SLC60A1: variants seen among roughly 807,000 people sequenced by gnomAD.
SLC60A1 encodes solute carrier family 60 member 1, also known as major facilitator superfamily domain containing 4.
At chr1:205,584,284 CA>C in the SLC60A1 span, among the ~76,000 whole-genome samples, 1 of 145,036 alleles carries the variant, frequency 6.9e-6, no homozygotes, top group Non-Finnish European at 1.5e-5. Flanking sequence ...TGCAGTGGTG[CA>C]ATCTCGGCTC....
chr1:205,588,134 A>G, the SLC60A1 span, among the ~76,000 whole-genome samples: 1 of 152,112 alleles, frequency 6.6e-6, no homozygotes, highest in Non-Finnish European at 1.5e-5. Context: ...AGAACAAGTG[A>G]CTCCCAAATA....
chr1:205,597,027 C>T, the SLC60A1 span, among the ~76,000 whole-genome samples: 1 of 152,146 alleles, frequency 6.6e-6, no homozygotes, highest in Non-Finnish European at 1.5e-5. Context: ...AAGGTGTGCA[C>T]CACACTGCCA....
At chr1:205,596,705 C>G in the SLC60A1 span, among the ~76,000 whole-genome samples, 1 of 151,848 alleles carries the variant, frequency 6.6e-6, no homozygotes, top group Non-Finnish European at 1.5e-5. Flanking sequence ...GAGCCATTAG[C>G]AGGGGCAGAG....
chr1:205,594,582 G>A, the SLC60A1 span, among the ~76,000 whole-genome samples: 2,625 of 151,640 alleles, frequency 0.017, 49 homozygotes, highest in South Asian at 0.034. Flanking sequence ...CTTGAACCCA[G>A]GAGGTGGAGG....
chr1:205,598,109 AG>A, the SLC60A1 span: 1 of 403,960 alleles, frequency 2.5e-6, no homozygotes, highest in Non-Finnish European at 4.7e-6. Flanking sequence ...GTCTGGGAGC[AG>A]GGCCAGAGGG....
the SLC60A1 span, among the ~76,000 whole-genome samples, chr1:205,593,416 A>AGCCGAAATCCCGCAACT: frequency 1.3e-5 from 1 of 74,724 alleles, no homozygotes; most frequent in African/African-American, 5.4e-5. Flanking sequence ...GCTTGCAGTG[A>AGCCGAAATCCCGCAACT]GCACTCCAGC....
chr1:205,575,828 T>C, the SLC60A1 span, among the ~76,000 whole-genome samples: 2 of 152,262 alleles, frequency 1.3e-5, no homozygotes, highest in East Asian at 3.9e-4. Context: ...ATATCTTGGG[T>C]CTCTCTGGGC....
At chr1:205,584,147 T>G in the SLC60A1 span, 1 of 1,607,662 alleles carries the variant, frequency 6.2e-7, no homozygotes, top group Non-Finnish European at 8.5e-7. Context: ...TGAATCTGCA[T>G]CCTCACAGCC....
chr1:205,596,869 C>T, the SLC60A1 span, among the ~76,000 whole-genome samples: 6,850 of 152,208 alleles, frequency 0.045, 257 homozygotes, highest in African/African-American at 0.1. Flanking sequence ...GTTACCCACA[C>T]GGTAAGTCTG....
the SLC60A1 span, chr1:205,569,187 C>CT: frequency 6.5e-7 from 1 of 1,547,744 alleles, no homozygotes; most frequent in South Asian, 1.2e-5. Flanking sequence ...GCCCACGCTG[C>CT]TGGACCTGCG....
chr1:205,599,146 G>A, the SLC60A1 span: 617 of 1,614,106 alleles, frequency 3.8e-4, 3 homozygotes, highest in African/African-American at 7.7e-3. Flanking sequence ...CCAGGCTCAG[G>A]GCAGCTATAG....
At chr1:205,602,231 G>A in the SLC60A1 span, 3 of 152,618 alleles carry the variant, frequency 2.0e-5, no homozygotes, top group African/African-American at 7.2e-5. Flanking sequence ...CCTGTCCCAA[G>A]TGCTGTGATT....
At chr1:205,597,135 T>C in the SLC60A1 span, among the ~76,000 whole-genome samples, 1 of 152,186 alleles carries the variant, frequency 6.6e-6, no homozygotes, top group Non-Finnish European at 1.5e-5. Context: ...TCAGGAAATC[T>C]TTCTGGAAAG....
At chr1:205,581,425 G>GT in the SLC60A1 span, among the ~76,000 whole-genome samples, 1 of 152,228 alleles carries the variant, frequency 6.6e-6, no homozygotes, top group Admixed American at 6.5e-5. This position sits in a 1 kb window ranked among gnomAD's most constrained non-coding sequence, Gnocchi z 4.2. Flanking sequence ...ACTTCACCCC[G>GT]TGACTGCGTC....
At chr1:205,592,398 T>A in the SLC60A1 span, 1 of 1,150,748 alleles carries the variant, frequency 8.7e-7, no homozygotes, top group South Asian at 2.0e-5. Flanking sequence ...TTATTATTAT[T>A]ATACTTCACG....
chr1:205,578,719 A>T, the SLC60A1 span, among the ~76,000 whole-genome samples: 2 of 151,962 alleles, frequency 1.3e-5, no homozygotes, highest in African/African-American at 4.8e-5. Flanking sequence ...AAACTCAGAG[A>T]GGCCTTTCCC....
At chr1:205,569,457 A>G in the SLC60A1 span, among the ~76,000 whole-genome samples, 140,830 of 146,244 alleles carry the variant, frequency 0.96, 67,999 homozygotes, top group East Asian at 1. Context: ...TCCCAGCTCC[A>G]TCTTGGCCGA....
At chr1:205,581,433 G>A in the SLC60A1 span, among the ~76,000 whole-genome samples, 3 of 152,230 alleles carry the variant, frequency 2.0e-5, no homozygotes, top group Non-Finnish European at 4.4e-5. This position sits in a 1 kb window ranked among gnomAD's most constrained non-coding sequence, Gnocchi z 4.2. Context: ...CCGTGACTGC[G>A]TCACATACCG....
the SLC60A1 span, chr1:205,600,319 C>T: frequency 2.9e-6 from 4 of 1,384,952 alleles, no homozygotes; most frequent in Non-Finnish European, 4.0e-6. Flanking sequence ...GAGAAACAAA[C>T]AGCCTGGGTA....
Sources: allele counts gnomAD v4.1 joint callset (sites outside exome capture counted in the v4.1 genomes callset), GRCh38; gene constraint gnomAD v4.1.1; non-coding constraint Gnocchi (gnomAD v3.1); transcripts MANE v1.5; gene names NCBI Gene and HGNC (gene_info 2026-07-23, HGNC 2026-07-21).